Variants in SIGLEC12 observed in about 807,000 individuals in gnomAD.
SIGLEC12 encodes the protein sialic acid-binding Ig-like lectin 12.
In SIGLEC12, 43 loss-of-function variants were observed where a neutral mutation model predicts 54.1. The ratio of observed to expected loss-of-function variants is 0.80; its 90% CI spans 0.62 to 1.03. The LOEUF (loss-of-function observed/expected upper bound fraction) is 1.03, where lower values mean the gene tolerates loss of function less well. Ranked by LOEUF, SIGLEC12 falls within the 50% of genes least tolerant of loss-of-function variation. The pLI, the probability that SIGLEC12 is intolerant of heterozygous loss-of-function variation, is 0.00. For missense variants in SIGLEC12, 802 were observed against 735.2 expected (o/e 1.09, Z -1.05); for synonymous variants, 357 against 307.6 (o/e 1.16, Z -1.68).
Position 51,499,194 on chromosome 19 carries a change from T to A in SIGLEC12, c.1111A>T (p.Thr371Ser), listed in dbSNP as rs1990322838. Reference protein sequence around the residue: ...ISYPPQNLTMTVFQGDGTAST... With the variant: ...ISYPPQNLTMSVFQGDGTAST... ...CCTGTGCCATCTCCTTGGAAGACAG[T>A]CATGGTCAAGTTCTGAGGAGGATCT... The change falls in exon 4 of 8, where the codon ACT becomes TCT. Residue 371 changes from threonine to serine, a missense_variant. Physicochemically the swap from Thr to Ser is moderately conservative, Grantham distance 58. Transcript: ENST00000291707. 1.2e-6 allele frequency: 2 copies of A among 1,613,884 alleles called. No individual in the cohort carries two copies. The highest frequency in any genetic ancestry group is 1.1e-5 in the South Asian group (1 of 91,088).
intron 3 of SIGLEC12, 90 bp downstream of exon 3, chr19:51,499,348 C>A: frequency 6.4e-7 from 1 of 1,560,262 alleles, no homozygotes; most frequent in Non-Finnish European, 8.7e-7. Flanking sequence ...GCCAAGATTC[C>A]AGGACCCAGA....
intron 4 of SIGLEC12, 108 bp downstream of exon 4, chr19:51,499,062 G>T (rs890592464): frequency 7.8e-6 from 9 of 1,149,232 alleles, no homozygotes; most frequent in South Asian, 2.6e-5. Flanking sequence ...GGGAGGGGGG[G>T]GCCGGGGCTC....
At chr19:51,492,171 G>A (rs1990122513) in intron 7 of SIGLEC12, among the ~76,000 whole-genome samples, 1 of 152,146 alleles carries the variant, frequency 6.6e-6, no homozygotes, top group Non-Finnish European at 1.5e-5. Context: ...AAAGCCTGGA[G>A]TCCTGCTGAG....
At position 51,499,607 on chromosome 19, in the gene SIGLEC12, C is replaced by G. The variant is rs375071831; in HGVS notation, c.918G>C (p.Thr306=). Residue 306 remains threonine (T), a synonymous_variant, in exon 3 of 8, where the codon ACG becomes ACC. Coordinates refer to ENST00000291707, the MANE Select transcript of SIGLEC12 (RefSeq NM_053003.4). ...PWACEQGTPP[T]ITWMGASVSS... is the part of the protein sequence containing the mutation. ...ACACGGAGGCCCCCATCCAGGTGAT[C>G]GTGGGGGGCGTCCCCTGTTCACAGG... is the stretch of plus-strand genomic sequence containing the variant. 6.2e-7 allele frequency: 1 copy of G among 1,613,002 alleles called. No individual in the cohort carries two copies. The highest frequency in any genetic ancestry group is 8.5e-7 in the Non-Finnish European group (1 of 1,179,588).
In SIGLEC12 at chr19:51,499,912, A is replaced by G; in HGVS notation, c.808+8T>C. On this transcript the variant is annotated splice_region_variant and intron_variant, in intron 2 of 7. Coordinates refer to ENST00000291707, the MANE Select transcript of SIGLEC12 (RefSeq NM_053003.4). ...CCCCTCTGGCTGGTCCTAGAGCCAG[A>G]GATTTACCTGTCACATGCACAGAGA... The G allele has an allele frequency of 1.2e-6, 2 of 1,600,828 alleles. No homozygotes were observed. Among genetic ancestry groups the G allele is most frequent in the South Asian group, 1.1e-5 (1 of 88,742 alleles).
chr19:51,501,444 C>T lies in SIGLEC12; in HGVS notation c.290G>A (p.Gly97Glu). 1 of 1,614,198 alleles carries T rather than the reference C, an allele frequency of 6.2e-7. No homozygotes were observed. The highest frequency in any genetic ancestry group is 8.5e-7 in the Non-Finnish European group (1 of 1,180,030). The change falls in exon 1 of 8, where the codon GGG (glycine) becomes GAG (glutamate). Residue 97 changes from glycine to glutamate, a missense_variant. Gly to Glu is a moderately conservative substitution (Grantham distance 98). Coordinates refer to ENST00000291707, the MANE Select transcript of SIGLEC12 (RefSeq NM_053003.4). Reference sequence around the variant, plus strand: ...GGTACAATCCTTGTTCTGTGGGTCCCCAAGGAGGTGGAATCGGTCCCGAGT... The same window carrying T: ...GGTACAATCCTTGTTCTGTGGGTCCTCAAGGAGGTGGAATCGGTCCCGAGT... ...EETRDRFHLL[G>E]DPQNKDCTLS... is the part of the protein sequence containing the mutation.
intron 3 of SIGLEC12, 63 bp from the exon 4 acceptor site, chr19:51,499,280 C>T (rs1990325359): frequency 2.5e-6 from 4 of 1,597,116 alleles, no homozygotes; most frequent in Non-Finnish European, 3.4e-6. Context: ...CCCTGTCTCC[C>T]CAGGAGCCCC....
rs139008873 is a variant in SIGLEC12 at position 51,499,931 on chromosome 19, A to G, written c.797T>C (p.Val266Ala). ...KWNYIYDKLS[V>A]HVTALTHMPT... is the part of the protein sequence containing the mutation. Reference sequence around the variant, plus strand: ...AGCCAGAGATTTACCTGTCACATGCACAGAGAGCTTGTCATATATGTAGTT... The same window carrying G: ...AGCCAGAGATTTACCTGTCACATGCGCAGAGAGCTTGTCATATATGTAGTT... Residue 266 changes from valine (V) to alanine (A), a missense_variant, in exon 2 of 8, where the codon GTG becomes GCG. Physicochemically the swap from Val to Ala is moderately conservative, Grantham distance 64. Transcript: ENST00000291707. 6.2e-6 allele frequency: 10 copies of G among 1,610,326 alleles called. No individual in the cohort carries two copies. Among genetic ancestry groups the G allele is most frequent in the Non-Finnish European group, 8.5e-6 (10 of 1,177,850 alleles).
Position 51,499,655 on chromosome 19 carries a change from G to T in SIGLEC12, c.870C>A (p.Asn290Lys), listed in dbSNP as rs200045982. The T allele has an allele frequency of 1.9e-6, 3 of 1,614,108 alleles. No homozygotes were observed. Among genetic ancestry groups the T allele is most frequent in the Admixed American group, 1.7e-5 (1 of 60,012 alleles). ...AGGCCCAGGGCACAGAGCAGGTCAG[G>T]TTCCTGGGGTGGCCAGACTCCAGGG... is the stretch of plus-strand genomic sequence containing the variant. ...PGTLESGHPR[N>K]LTCSVPWACE... The change falls in exon 3 of 8, where the codon AAC (asparagine) becomes AAA (lysine). Residue 290 changes from asparagine (N) to lysine (K), a missense_variant. Coordinates refer to ENST00000291707, the MANE Select transcript of SIGLEC12 (RefSeq NM_053003.4).
At chr19:51,494,416 G>A (rs1033851114) in intron 7 of SIGLEC12, among the ~76,000 whole-genome samples, 5 of 152,118 alleles carry the variant, frequency 3.3e-5, no homozygotes, top group Non-Finnish European at 7.4e-5. Flanking sequence ...CACCTCACAC[G>A]CGTTAGGATG....
In SIGLEC12 at chr19:51,501,441, T is replaced by C; in HGVS notation, c.293A>G (p.Asp98Gly). ...CAGGGTACAATCCTTGTTCTGTGGG[T>C]CCCCAAGGAGGTGGAATCGGTCCCG... ...ETRDRFHLLG[D>G]PQNKDCTLSI... Residue 98 changes from aspartate to glycine, a missense_variant, in exon 1 of 8, where the codon GAC becomes GGC. Coordinates refer to ENST00000291707, the MANE Select transcript of SIGLEC12 (RefSeq NM_053003.4). The C allele has an allele frequency of 6.2e-7, 1 of 1,614,200 alleles. No individual in the cohort carries two copies. The highest frequency in any genetic ancestry group is 8.5e-7 in the Non-Finnish European group (1 of 1,180,032).
intron 4 of SIGLEC12, 107 bp downstream of exon 4, chr19:51,499,063 G>GGGC: frequency 1.7e-6 from 2 of 1,172,588 alleles, no homozygotes; most frequent in Non-Finnish European, 2.5e-6. Context: ...GGAGGGGGGG[G>GGGC]CCGGGGCTCA....
At position 51,499,484 on chromosome 19, in the gene SIGLEC12, A is replaced by C; in HGVS notation, c.1041T>G (p.Pro347=). Residue 347 remains proline, a synonymous_variant, in exon 3 of 8, where the codon CCT becomes CCG. Transcript: ENST00000291707. The part of the protein sequence containing the change: ...GTSLTCQVTL[P]GAGVTMTRAV... ...CCCTGGTCATGGTCACGCCGGCCCC[A>C]GGCAAGGTCACCTGACAGGTGAGGC... 1 of 1,605,822 alleles carries C rather than the reference A, an allele frequency of 6.2e-7. No individual in the cohort carries two copies. Among genetic ancestry groups the C allele is most frequent in the Non-Finnish European group, 8.5e-7 (1 of 1,176,412 alleles).
intron 5 of SIGLEC12, 116 bp downstream of exon 5, chr19:51,497,902 T>A: frequency 6.9e-7 from 1 of 1,449,942 alleles, no homozygotes. Flanking sequence ...CCGCACTCAC[T>A]GCTTGGCAGC....
In SIGLEC12 at chr19:51,499,608, G is replaced by A. The variant is rs569989918; in HGVS notation, c.917C>T (p.Thr306Met). Reference protein sequence around the residue: ...PWACEQGTPPTITWMGASVSS... With the variant: ...PWACEQGTPPMITWMGASVSS... ...CACGGAGGCCCCCATCCAGGTGATC[G>A]TGGGGGGCGTCCCCTGTTCACAGGC... The change falls in exon 3 of 8, where the codon ACG (threonine) becomes ATG (methionine). Residue 306 changes from threonine (T) to methionine (M), a missense_variant. By Grantham distance (81) the Thr-to-Met change is moderately conservative. Transcript: ENST00000291707. 53 of 1,613,332 alleles carry A rather than the reference G, an allele frequency of 3.3e-5. No individual in the cohort carries two copies. Among genetic ancestry groups the A allele is most frequent in the Middle Eastern group, 3.3e-4 (2 of 6,052 alleles).
intron 7 of SIGLEC12, among the ~76,000 whole-genome samples, chr19:51,494,254 T>A (rs56334594): frequency 6.6e-6 from 1 of 152,104 alleles, no homozygotes; most frequent in Non-Finnish European, 1.5e-5. Flanking sequence ...ATTAAAAAAA[T>A]TCTTAGAACT....
Position 51,501,706 on chromosome 19 carries a change from G to C in SIGLEC12, c.28C>G (p.Pro10Ala). MLLLLLLLP[P>A]LLCGRVGAKE... ...GCCCCCACTCTCCCACAGAGCAGGGGTGGCAGCAGTAGCAGCAGCAGTAGC... is the reference window on the plus strand; with the variant it reads ...GCCCCCACTCTCCCACAGAGCAGGGCTGGCAGCAGTAGCAGCAGCAGTAGC... Residue 10 changes from proline to alanine, a missense_variant, in exon 1 of 8, where the codon CCC (proline) becomes GCC (alanine). Coordinates refer to ENST00000291707, the MANE Select transcript of SIGLEC12 (RefSeq NM_053003.4). 6.2e-7 allele frequency: 1 copy of C among 1,611,432 alleles called. No homozygotes were observed. The highest frequency in any genetic ancestry group is 1.3e-5 in the African/African-American group (1 of 75,006).
At chr19:51,496,997 G>C in intron 6 of SIGLEC12, 21 bp from the exon 7 acceptor site, 1 of 1,612,656 alleles carries the variant, frequency 6.2e-7, no homozygotes, top group East Asian at 2.2e-5. Flanking sequence ...AGACCAGAGA[G>C]CCTTTCAGTG....
intron 3 of SIGLEC12, 31 bp downstream of exon 3, chr19:51,499,407 A>G: frequency 6.5e-7 from 1 of 1,547,312 alleles, no homozygotes; most frequent in Non-Finnish European, 8.7e-7. Context: ...AATCCCGATC[A>G]AAGACCCAGA....
Sources: gnomAD v4.1 joint callset for allele counts (sites outside exome capture counted in the v4.1 genomes callset) on GRCh38, gnomAD v4.1.1 for gene constraint, MANE v1.5 for transcripts, NCBI Gene and HGNC (gene_info 2026-07-23, HGNC 2026-07-21) for gene names.